THSD7B: variants seen among roughly 807,000 people sequenced by gnomAD.
THSD7B encodes thrombospondin type-1 domain-containing protein 7B.
A neutral mutation model predicts 213.6 loss-of-function variants in THSD7B; 138 were observed. That is an observed-to-expected ratio of 0.65 (90% confidence interval 0.56 to 0.74). The LOEUF (loss-of-function observed/expected upper bound fraction) is 0.74, where lower values mean the gene tolerates loss of function less well. Among genes scored for constraint, THSD7B ranks in the 30% least tolerant of loss-of-function variants. The pLI is 0.00. For missense variants in THSD7B, 1,931 were observed against 1,991.5 expected, an observed-to-expected ratio of 0.97 and a Z score of 0.58; for synonymous variants, 742 against 687.0, an observed-to-expected ratio of 1.08 and a Z score of -1.25.
At chr2:137,203,855 C>G (rs139183132) in intron 7 of THSD7B, among the ~76,000 whole-genome samples, 1 of 152,104 alleles carries the variant, frequency 6.6e-6, no homozygotes, top group Non-Finnish European at 1.5e-5. Context: ...CACACACACA[C>G]GTTTGCATGA....
chr2:137,459,940 A>G (rs1023837665), intron 15 of THSD7B, among the ~76,000 whole-genome samples: 7 of 152,112 alleles, frequency 4.6e-5, no homozygotes, highest in African/African-American at 1.7e-4. Context: ...AGGTTTGTGA[A>G]TACTACCAGG....
At chr2:137,336,257 A>G (rs1237944399) in intron 12 of THSD7B, among the ~76,000 whole-genome samples, 1 of 152,194 alleles carries the variant, frequency 6.6e-6, no homozygotes, top group East Asian at 1.9e-4. Flanking sequence ...AGCTGCAATA[A>G]AAAGTGCTGA....
At chr2:137,302,353 C>A (rs1031517171) in intron 12 of THSD7B, among the ~76,000 whole-genome samples, 1 of 152,014 alleles carries the variant, frequency 6.6e-6, no homozygotes, top group Admixed American at 6.5e-5. Flanking sequence ...GAGTCTTGGA[C>A]ATCAAGAGAA....
chr2:137,379,226 T>C lies in THSD7B; in HGVS notation c.2501-26387T>C, dbSNP rs140711543. Among the ~76,000 whole-genome samples the C allele has an allele frequency of 2.4e-3, 360 of 152,334 alleles. 1 individual carries two copies. Among genetic ancestry groups the C allele is most frequent in the African/African-American group, 8.4e-3 (351 of 41,578 alleles). On this transcript the variant is annotated intron_variant, in intron 12 of 27. Coordinates refer to ENST00000409968, the MANE Select transcript of THSD7B (RefSeq NM_001316349.2). ...TTTATTTATTTAAAAATTCACTTTT[T>C]TTGAGGCAACAATAATTGGAGAATA...
intron 17 of THSD7B, among the ~76,000 whole-genome samples, chr2:137,606,115 T>TAACC (rs1682171895): frequency 6.6e-6 from 1 of 152,194 alleles, no homozygotes; most frequent in African/African-American, 2.4e-5. Flanking sequence ...GCACATTTTC[T>TAACC]AACCCCTGGA....
intron 4 of THSD7B, among the ~76,000 whole-genome samples, chr2:137,108,502 G>A (rs560698900): frequency 6.6e-6 from 1 of 152,018 alleles, no homozygotes; most frequent in Admixed American, 6.6e-5. Flanking sequence ...GATTCCTTCG[G>A]TGGGACAGCA....
At chr2:137,109,827 G>T (rs754601555) in intron 4 of THSD7B, among the ~76,000 whole-genome samples, 28 of 152,266 alleles carry the variant, frequency 1.8e-4, no homozygotes, top group Non-Finnish European at 3.5e-4. Context: ...CTGGTCTGTG[G>T]CTCGGGTGTT....
chr2:137,458,300 T>C (rs1404320017), intron 15 of THSD7B, among the ~76,000 whole-genome samples: 1 of 152,174 alleles, frequency 6.6e-6, no homozygotes, highest in Admixed American at 6.5e-5. Flanking sequence ...ACAAGCAAAA[T>C]GCCTTGAGCA....
At chr2:136,825,991 T>C (rs1361028523) in intron 1 of THSD7B, among the ~76,000 whole-genome samples, 1 of 152,118 alleles carries the variant, frequency 6.6e-6, no homozygotes, top group Non-Finnish European at 1.5e-5. Context: ...GATAACATAT[T>C]CACAGGCCCT....
At chr2:136,960,682 G>T (rs930196184) in intron 2 of THSD7B, among the ~76,000 whole-genome samples, 1 of 152,150 alleles carries the variant, frequency 6.6e-6, no homozygotes, top group South Asian at 2.1e-4. Flanking sequence ...TTCCCTTCTC[G>T]AATCTCCTTC....
At chr2:136,869,434 A>G (rs1255653719) in intron 1 of THSD7B, among the ~76,000 whole-genome samples, 2 of 152,252 alleles carry the variant, frequency 1.3e-5, no homozygotes, top group Non-Finnish European at 2.9e-5. Context: ...AAATTTTAGT[A>G]GCCATTAAAG....
intron 14 of THSD7B, among the ~76,000 whole-genome samples, chr2:137,427,939 TG>T (rs1687095981): frequency 1.3e-5 from 2 of 152,156 alleles, no homozygotes; most frequent in African/African-American, 4.8e-5. Context: ...AACATAATGT[TG>T]TATACTTTAA....
At chr2:137,391,874 C>T (rs550818569) in intron 12 of THSD7B, among the ~76,000 whole-genome samples, 2 of 152,098 alleles carry the variant, frequency 1.3e-5, no homozygotes, top group Admixed American at 6.6e-5. Context: ...TTGATGTGGG[C>T]ATTTAATGCT....
intron 15 of THSD7B, among the ~76,000 whole-genome samples, chr2:137,489,756 A>G (rs1688562861): frequency 6.6e-6 from 1 of 152,170 alleles, no homozygotes; most frequent in Non-Finnish European, 1.5e-5. Flanking sequence ...TTCTAAATAT[A>G]TCCTCAATAT....
At chr2:137,633,384 C>A (rs1220813816) in intron 20 of THSD7B, among the ~76,000 whole-genome samples, 1 of 152,114 alleles carries the variant, frequency 6.6e-6, no homozygotes, top group East Asian at 1.9e-4. Context: ...ACCTTAATTC[C>A]TTTTTGCTAA....
chr2:137,339,699 C>T (rs190273510), intron 12 of THSD7B, among the ~76,000 whole-genome samples: 83 of 151,956 alleles, frequency 5.5e-4, no homozygotes, highest in African/African-American at 1.9e-3. Context: ...CCCTAAGACT[C>T]AGGTGGCTTT....
intron 15 of THSD7B, among the ~76,000 whole-genome samples, chr2:137,496,274 C>T (rs965134776): frequency 1.6e-4 from 25 of 152,204 alleles, no homozygotes; most frequent in African/African-American, 6.0e-4. Flanking sequence ...CCTAAGGTCT[C>T]CTACGGCCAA....
chr2:137,317,797 A>T (rs532732837), intron 12 of THSD7B, among the ~76,000 whole-genome samples: 1 of 152,162 alleles, frequency 6.6e-6, no homozygotes, highest in Non-Finnish European at 1.5e-5. Context: ...GCACACCTGT[A>T]GACCTAGTTA....
chr2:136,951,570 G>A (rs960647453), intron 2 of THSD7B, among the ~76,000 whole-genome samples: 1 of 152,180 alleles, frequency 6.6e-6, no homozygotes, highest in African/African-American at 2.4e-5. Flanking sequence ...AAGGAGAGGA[G>A]AATAGTGATT....
Sources: gnomAD v4.1 joint callset for allele counts (sites outside exome capture counted in the v4.1 genomes callset) on GRCh38, gnomAD v4.1.1 for gene constraint, MANE v1.5 for transcripts, NCBI Gene and HGNC (gene_info 2026-07-23, HGNC 2026-07-21) for gene names.